The following ZNF804B variants were observed in gnomAD, a reference collection of about 807,000 sequenced individuals.
The protein encoded by ZNF804B is zinc finger 804B.
In ZNF804B, 80 loss-of-function variants were observed where a neutral mutation model predicts 101.4. The ratio of observed to expected loss-of-function variants is 0.79; its 90% CI spans 0.66 to 0.95. The LOEUF (loss-of-function observed/expected upper bound fraction) is 0.95, where lower values mean the gene tolerates loss of function less well. Ranked by LOEUF, ZNF804B falls within the 40% of genes least tolerant of loss-of-function variation. The probability of loss-of-function intolerance (pLI) is 0.00; values close to 1 mark genes in which losing one functional copy is unlikely to be tolerated. For missense variants in ZNF804B, 1,673 were observed against 1,561.9 expected (o/e 1.07, Z -1.20); for synonymous variants, 622 against 558.8 (o/e 1.11, Z -1.59).
At chr7:88,868,765 G>A (rs543818671) in intron 1 of ZNF804B, among the ~76,000 whole-genome samples, 2 of 152,218 alleles carry the variant, frequency 1.3e-5, no homozygotes, top group Non-Finnish European at 2.9e-5. Context: ...CTCAGTAGTT[G>A]AATCTGCTAA....
chr7:88,948,748 C>G (rs891577945), intron 1 of ZNF804B, among the ~76,000 whole-genome samples: 5 of 151,792 alleles, frequency 3.3e-5, no homozygotes. Context: ...CTGGGGACCA[C>G]CGAAGTGACA....
At chr7:89,332,866 A>C (rs1791008453) in intron 3 of ZNF804B, among the ~76,000 whole-genome samples, 2 of 151,868 alleles carry the variant, frequency 1.3e-5, no homozygotes, top group Non-Finnish European at 2.9e-5. Context: ...ACTGTGTTTC[A>C]AAAGTAAGTG....
chr7:88,864,333 T>G (rs1028677280), intron 1 of ZNF804B, among the ~76,000 whole-genome samples: 7 of 152,186 alleles, frequency 4.6e-5, no homozygotes, highest in Non-Finnish European at 7.3e-5. Context: ...GGCTTCTATT[T>G]TTGTCTTGGT....
intron 1 of ZNF804B, among the ~76,000 whole-genome samples, chr7:89,047,834 C>G (rs1432853193): frequency 2.0e-5 from 3 of 151,702 alleles, no homozygotes; most frequent in Non-Finnish European, 2.9e-5. Context: ...GATCAGTGGT[C>G]TCTTAGGCAA....
chr7:89,282,470 C>G (rs1324881660), intron 2 of ZNF804B, among the ~76,000 whole-genome samples: 1 of 152,100 alleles, frequency 6.6e-6, no homozygotes, highest in Non-Finnish European at 1.5e-5. Context: ...AAAAGACTTT[C>G]CACTCAACGT....
At chr7:89,259,266 A>T (rs1789677665) in intron 2 of ZNF804B, among the ~76,000 whole-genome samples, 1 of 152,014 alleles carries the variant, frequency 6.6e-6, no homozygotes, top group Admixed American at 6.6e-5. Context: ...TTTTTCTAAG[A>T]TCCATATCTT....
intron 1 of ZNF804B, among the ~76,000 whole-genome samples, chr7:88,779,635 C>G (rs891287897): frequency 1.5e-5 from 2 of 135,768 alleles, no homozygotes; most frequent in Non-Finnish European, 3.1e-5. Flanking sequence ...GATTAAAGAT[C>G]GAACTTTAAC....
intron 2 of ZNF804B, among the ~76,000 whole-genome samples, chr7:89,253,015 T>A (rs1032931892): frequency 2.0e-5 from 3 of 152,050 alleles, no homozygotes; most frequent in African/African-American, 7.2e-5. Flanking sequence ...CCACTATATC[T>A]AAGATGAAAG....
At position 88,829,043 on chromosome 7, in the gene ZNF804B, C is replaced by T. The variant is rs548461867; in HGVS notation, c.108+68959C>T. Among the ~76,000 whole-genome samples the T allele has an allele frequency of 4.6e-5, 7 of 152,170 alleles. No homozygotes were observed. The South Asian group carries it at 1.5e-3, about 32-fold the overall frequency. ...GTAATTACTTTGTTGGGGCTTATCC[C>T]ATCCATTATCCTTTGTCTATTATTA... is the stretch of plus-strand genomic sequence containing the variant. On this transcript the variant is annotated intron_variant, in intron 1 of 3. Transcript: ENST00000333190.
chr7:89,144,565 G>A (rs1424674897), intron 1 of ZNF804B, among the ~76,000 whole-genome samples: 3 of 151,954 alleles, frequency 2.0e-5, no homozygotes, highest in Middle Eastern at 3.4e-3. Context: ...ACAAGGAAAA[G>A]GGAGATGTTG....
intron 2 of ZNF804B, among the ~76,000 whole-genome samples, chr7:89,258,797 G>GA (rs1267483140): frequency 1.3e-5 from 2 of 152,014 alleles, no homozygotes; most frequent in Admixed American, 6.5e-5. Flanking sequence ...TCATAGGAAA[G>GA]AAAAAATATA....
chr7:89,250,703 G>A (rs896341182), intron 2 of ZNF804B, among the ~76,000 whole-genome samples: 24 of 152,114 alleles, frequency 1.6e-4, no homozygotes, highest in Admixed American at 1.3e-3. Flanking sequence ...CAAAATACTA[G>A]CACAGTGAAT....
chr7:89,208,998 T>C (rs1788761943), intron 1 of ZNF804B, among the ~76,000 whole-genome samples: 1 of 151,750 alleles, frequency 6.6e-6, no homozygotes, highest in African/African-American at 2.4e-5. Flanking sequence ...GGCGACAGAG[T>C]GAGACTCTTT....
chr7:88,815,725 C>T (rs187965602), intron 1 of ZNF804B, among the ~76,000 whole-genome samples: 13 of 152,186 alleles, frequency 8.5e-5, no homozygotes, highest in Admixed American at 3.3e-4. Context: ...TCCCACACAC[C>T]GCACTCGGCT....
At chr7:89,237,458 G>T (rs979880544) in intron 2 of ZNF804B, among the ~76,000 whole-genome samples, 8 of 152,176 alleles carry the variant, frequency 5.3e-5, no homozygotes, top group Non-Finnish European at 4.4e-5. Flanking sequence ...TGAAAATGTT[G>T]ATGTGATGAT....
At chr7:89,251,913 G>T (rs1789547370) in intron 2 of ZNF804B, among the ~76,000 whole-genome samples, 1 of 152,126 alleles carries the variant, frequency 6.6e-6, no homozygotes, top group Non-Finnish European at 1.5e-5. Flanking sequence ...AAGTCAAGAT[G>T]TATTAAAGAT....
intron 1 of ZNF804B, among the ~76,000 whole-genome samples, chr7:88,773,439 T>C (rs933030549): frequency 1.3e-5 from 2 of 152,330 alleles, no homozygotes; most frequent in African/African-American, 4.8e-5. Flanking sequence ...CAATCATACA[T>C]TCAACAAGTA....
chr7:88,952,272 T>A (rs1362673149), intron 1 of ZNF804B, among the ~76,000 whole-genome samples: 1 of 151,914 alleles, frequency 6.6e-6, no homozygotes, highest in East Asian at 2.0e-4. Context: ...TGCATTCTCC[T>A]TGTTGTTCTT....
At chr7:89,099,530 CAAG>C (rs1041564429) in intron 1 of ZNF804B, among the ~76,000 whole-genome samples, 1 of 152,086 alleles carries the variant, frequency 6.6e-6, no homozygotes, top group African/African-American at 2.4e-5. Flanking sequence ...ATGTGACAAA[CAAG>C]AGGAGTTCGC....
Sources: gnomAD v4.1 joint callset for allele counts (sites outside exome capture counted in the v4.1 genomes callset) on GRCh38, gnomAD v4.1.1 for gene constraint, MANE v1.5 for transcripts, NCBI Gene and HGNC (gene_info 2026-07-23, HGNC 2026-07-21) for gene names.